NDFIP1: variants seen among roughly 807,000 people sequenced by gnomAD.
NDFIP1 encodes the protein Nedd4 family interacting protein 1, also known as NEDD4 family-interacting protein 1.
Under a neutral mutation model 28.8 loss-of-function variants are expected in NDFIP1, and 7 were observed. The observed-to-expected ratio is 0.24, with a 90% confidence interval of 0.14 to 0.46. NDFIP1 has a LOEUF of 0.46. NDFIP1 is among the 20% of genes least tolerant of loss of function. The pLI, the probability that NDFIP1 is intolerant of heterozygous loss-of-function variation, is 0.99. For missense variants in NDFIP1, 194 were observed against 269.1 expected, an observed-to-expected ratio of 0.72 and a Z score of 1.95; for synonymous variants, 92 against 101.0, an observed-to-expected ratio of 0.91 and a Z score of 0.53.
Position 142,147,200 on chromosome 5 carries a change from A to G in NDFIP1, c.*2+2524A>G, listed in dbSNP as rs1757397757. On this transcript the variant is annotated intron_variant, in intron 7 of 7. Transcript: ENST00000253814. ...TAAGGGTTTGAGGAACTTACAGCAG[A>G]ATTTAGAATTCTAATGACTTCACTA... 2.6e-5 allele frequency among the ~76,000 whole-genome samples: 4 copies of G among 152,184 alleles called. No individual in the cohort carries two copies. In the South Asian group the frequency reaches 8.3e-4, roughly 31 times the overall value.
intron 1 of NDFIP1, among the ~76,000 whole-genome samples, chr5:142,128,715 T>A (rs1757196497): frequency 6.6e-6 from 1 of 152,202 alleles, no homozygotes; most frequent in Non-Finnish European, 1.5e-5. Context: ...TATACCATAG[T>A]CATAATGGTG....
chr5:142,126,523 CTTTG>C (rs922727992), intron 1 of NDFIP1, among the ~76,000 whole-genome samples: 23 of 152,060 alleles, frequency 1.5e-4, no homozygotes, highest in African/African-American at 2.9e-4. Flanking sequence ...TTTTCACGTG[CTTTG>C]TTTGTTTGTT....
intron 4 of NDFIP1, among the ~76,000 whole-genome samples, chr5:142,136,282 T>C (rs1214112120): frequency 6.6e-6 from 1 of 152,248 alleles, no homozygotes. Context: ...ATTTCCTTTA[T>C]TTGTTGTATT....
rs182253192 is a variant in NDFIP1, at chr5:142,138,946, G to A, written c.495+1088G>A. Among the ~76,000 whole-genome samples, 404 of 150,824 alleles carry A rather than the reference G, an allele frequency of 2.7e-3. 2 individuals are homozygous for A. The highest frequency in any genetic ancestry group is 9.4e-3 in the African/African-American group (386 of 41,078). On this transcript the variant is annotated intron_variant, in intron 5 of 7. Coordinates refer to ENST00000253814, the MANE Select transcript of NDFIP1 (RefSeq NM_030571.4). ...AAAGTGAATCAAATGGGCCGGGTGC[G>A]GTGGCTCACGCCTGTAATCCCAGCA...
rs1164351119 is a variant in NDFIP1, at chr5:142,152,873, TA to T, written c.*1151del. ...TAGGGAATCATTCAGTAGATGCGATTAAAAAACTAATGTTGGGTCAATTTTT... is the reference window on the plus strand; with the variant it reads ...TAGGGAATCATTCAGTAGATGCGATTAAAAACTAATGTTGGGTCAATTTTT... On this transcript the variant is annotated 3_prime_UTR_variant, in exon 8 of 8. Transcript: ENST00000253814. 1.1e-5 allele frequency: 2 copies of T among 175,792 alleles called. No individual in the cohort carries two copies. Among genetic ancestry groups the T allele is most frequent in the Admixed American group, 5.7e-5 (1 of 17,556 alleles). 10.9% of individuals were successfully genotyped at this position (175,792 alleles called of 1,614,324 possible). A position where few individuals can be genotyped will look rare whatever the true frequency, so the allele number is the denominator to read the frequency against.
intron 4 of NDFIP1, among the ~76,000 whole-genome samples, chr5:142,136,786 C>G (rs1336836908): frequency 7.3e-6 from 1 of 136,780 alleles, no homozygotes; most frequent in Non-Finnish European, 1.5e-5. Flanking sequence ...AGGTCAAAGG[C>G]TGGGCACAGT....
At chr5:142,115,629 A>G (rs1757059592) in intron 1 of NDFIP1, among the ~76,000 whole-genome samples, 1 of 152,124 alleles carries the variant, frequency 6.6e-6, no homozygotes, top group Non-Finnish European at 1.5e-5. Flanking sequence ...CAACTTTAAT[A>G]CTTCTGTTCC....
At chr5:142,136,755 C>CA (rs33932095) in intron 4 of NDFIP1, among the ~76,000 whole-genome samples, 2,404 of 76,400 alleles carry the variant, frequency 0.031, 173 homozygotes, top group African/African-American at 0.11. Context: ...GACTTCGTCT[C>CA]AAAAAAAAAA....
intron 1 of NDFIP1, among the ~76,000 whole-genome samples, chr5:142,121,909 T>A (rs777860004): frequency 2.6e-5 from 4 of 152,224 alleles, no homozygotes; most frequent in Non-Finnish European, 5.9e-5. Context: ...AATGTATCCA[T>A]GCTGTGCCAC....
intron 5 of NDFIP1, among the ~76,000 whole-genome samples, chr5:142,140,252 C>T (rs546019066): frequency 6.6e-6 from 1 of 151,782 alleles, no homozygotes; most frequent in African/African-American, 2.4e-5. Flanking sequence ...AGTTTGAGAC[C>T]GGCTTGACCA....
chr5:142,131,098 G>C (rs928997096), intron 1 of NDFIP1, among the ~76,000 whole-genome samples: 1 of 151,796 alleles, frequency 6.6e-6, no homozygotes, highest in Admixed American at 6.6e-5. Context: ...AGAACCACAG[G>C]TGCATGCCAC....
At chr5:142,127,497 ACT>A (rs1757182660) in intron 1 of NDFIP1, among the ~76,000 whole-genome samples, 1 of 151,970 alleles carries the variant, frequency 6.6e-6, no homozygotes, top group Non-Finnish European at 1.5e-5. Context: ...GTAATGGCAC[ACT>A]CTGGGTGTGA....
rs1417224056 is a variant in NDFIP1 at position 142,153,288 on chromosome 5, A to G, written c.*1560A>G. On this transcript the variant is annotated 3_prime_UTR_variant, in exon 8 of 8. Coordinates refer to ENST00000253814, the MANE Select transcript of NDFIP1 (RefSeq NM_030571.4). ...TTTTTTCATTTTCTATTTAAGAAAT[A>G]TGAAGAAAAAATACACCAAGATGGT... 2 of 456,494 alleles carry G rather than the reference A, an allele frequency of 4.4e-6. No homozygotes were observed. The highest frequency in any genetic ancestry group is 8.8e-6 in the Non-Finnish European group (2 of 226,938). The allele number at this position is 456,494 out of a possible 1,614,324, so 28.3% of individuals were successfully genotyped here.
chr5:142,133,456 G>GT (rs1453907911), intron 3 of NDFIP1, among the ~76,000 whole-genome samples: 7 of 152,200 alleles, frequency 4.6e-5, no homozygotes, highest in Non-Finnish European at 8.8e-5. Context: ...TTTTACAGAT[G>GT]TGAAAATTTA....
At chr5:142,142,657 G>A (rs903387295) in intron 6 of NDFIP1, among the ~76,000 whole-genome samples, 1 of 151,996 alleles carries the variant, frequency 6.6e-6, no homozygotes, top group Admixed American at 6.6e-5. Flanking sequence ...GCCCGGCGTG[G>A]TGGCTCATGC....
chr5:142,118,831 A>G (rs1757095078), intron 1 of NDFIP1, among the ~76,000 whole-genome samples: 1 of 152,102 alleles, frequency 6.6e-6, no homozygotes, highest in African/African-American at 2.4e-5. Flanking sequence ...GCTTTATTTT[A>G]TTGCTTAAAT....
At chr5:142,124,895 G>A (rs1454677129) in intron 1 of NDFIP1, among the ~76,000 whole-genome samples, 1 of 151,694 alleles carries the variant, frequency 6.6e-6, no homozygotes, top group Non-Finnish European at 1.5e-5. Flanking sequence ...GCGCAATCTC[G>A]GCTCACTGCA....
intron 7 of NDFIP1, among the ~76,000 whole-genome samples, chr5:142,147,157 G>T (rs1460167686): frequency 1.3e-5 from 2 of 152,162 alleles, no homozygotes; most frequent in Non-Finnish European, 2.9e-5. Flanking sequence ...CACACCCAGA[G>T]AATTCAGAGC....
intron 1 of NDFIP1, among the ~76,000 whole-genome samples, chr5:142,118,135 C>T (rs576819545): frequency 4.6e-5 from 7 of 152,270 alleles, no homozygotes; most frequent in South Asian, 4.1e-4. Context: ...CAGTATGGTA[C>T]GGTTTTCACA....
Sources: allele counts gnomAD v4.1 joint callset (sites outside exome capture counted in the v4.1 genomes callset), GRCh38; gene constraint gnomAD v4.1.1; transcripts MANE v1.5; gene names NCBI Gene and HGNC (gene_info 2026-07-23, HGNC 2026-07-21).